PACRG: variants seen among roughly 807,000 people sequenced by gnomAD.
The protein encoded by PACRG is parkin coregulated gene protein.
A neutral mutation model predicts 29.7 loss-of-function variants in PACRG; 29 were observed. The ratio of observed to expected loss-of-function variants is 0.98; its 90% CI spans 0.73 to 1.33. The LOEUF is 1.33. Among genes scored for constraint, PACRG ranks in the 40% most tolerant of loss-of-function variants. The probability of loss-of-function intolerance (pLI) is 0.00; values close to 1 mark genes in which losing one functional copy is unlikely to be tolerated. For missense variants in PACRG, 279 were observed against 316.2 expected (o/e 0.88, Z 0.89); for synonymous variants, 116 against 118.7 (o/e 0.98, Z 0.15).
intron 2 of PACRG, among the ~76,000 whole-genome samples, chr6:162,895,233 G>A (rs527973741): frequency 4.4e-5 from 6 of 136,030 alleles, no homozygotes; most frequent in East Asian, 4.3e-4. Context: ...TCGTGCCACC[G>A]CACTCCAGTC....
chr6:163,133,204 G>A (rs922045301), intron 4 of PACRG, among the ~76,000 whole-genome samples: 1 of 152,144 alleles, frequency 6.6e-6, no homozygotes, highest in African/African-American at 2.4e-5. Context: ...GGTTTTAATA[G>A]GCCAGGTCTG....
intron 4 of PACRG, among the ~76,000 whole-genome samples, chr6:163,246,949 C>G (rs1390363929): frequency 6.6e-6 from 1 of 152,216 alleles, no homozygotes; most frequent in Non-Finnish European, 1.5e-5. Flanking sequence ...GAAGGTCACA[C>G]AGTACAGGGC....
chr6:162,792,752 G>C (rs751949011), intron 1 of PACRG, among the ~76,000 whole-genome samples: 2 of 152,138 alleles, frequency 1.3e-5, no homozygotes, highest in Non-Finnish European at 2.9e-5. Context: ...GACAGGGAAG[G>C]GTATGCAAAA....
chr6:162,934,175 A>T (rs562844382), intron 2 of PACRG, among the ~76,000 whole-genome samples: 2 of 152,172 alleles, frequency 1.3e-5, no homozygotes, highest in East Asian at 3.9e-4. Flanking sequence ...GAGGCAGGAG[A>T]ATTGCTTGAG....
chr6:162,903,246 T>G (rs543629737), intron 2 of PACRG, among the ~76,000 whole-genome samples: 6 of 152,280 alleles, frequency 3.9e-5, no homozygotes, highest in African/African-American at 1.4e-4. Context: ...TGTCACTTTG[T>G]CTTCAAGAAG....
At chr6:162,951,852 G>T (rs953109396) in intron 2 of PACRG, among the ~76,000 whole-genome samples, 2 of 152,136 alleles carry the variant, frequency 1.3e-5, no homozygotes, top group African/African-American at 4.8e-5. Context: ...TTACTGGGGA[G>T]GGGAGCACTA....
chr6:163,222,100 A>T (rs1203450999), intron 4 of PACRG, among the ~76,000 whole-genome samples: 1 of 145,822 alleles, frequency 6.9e-6, no homozygotes, highest in Non-Finnish European at 1.5e-5. Context: ...ATGACAAAAA[A>T]CTGTAAAGTA....
intron 4 of PACRG, among the ~76,000 whole-genome samples, chr6:163,108,267 C>G (rs2128317727): frequency 6.6e-6 from 1 of 152,234 alleles, no homozygotes; most frequent in South Asian, 2.1e-4. Flanking sequence ...TCCTCCTGCT[C>G]CAACCGTGTA....
At chr6:162,944,875 G>A (rs908778080) in intron 2 of PACRG, among the ~76,000 whole-genome samples, 2 of 151,864 alleles carry the variant, frequency 1.3e-5, no homozygotes, top group African/African-American at 4.8e-5. Context: ...GTACCAGAAG[G>A]TGAAGAAAAA....
At chr6:163,159,302 A>T (rs1314798410) in intron 4 of PACRG, among the ~76,000 whole-genome samples, 1 of 148,404 alleles carries the variant, frequency 6.7e-6, no homozygotes, top group Non-Finnish European at 1.5e-5. Context: ...TATATGTTAT[A>T]TAATATATAA....
chr6:162,959,681 G>A (rs1006783667), intron 2 of PACRG, among the ~76,000 whole-genome samples: 1 of 152,118 alleles, frequency 6.6e-6, no homozygotes, highest in Admixed American at 6.5e-5. Flanking sequence ...TTGGAGAGGA[G>A]CAAGTGTAGG....
chr6:163,236,970 A>T (rs76216102), intron 4 of PACRG, among the ~76,000 whole-genome samples: 4,573 of 152,090 alleles, frequency 0.03, 149 homozygotes, highest in East Asian at 0.13. Flanking sequence ...CCTCATGAGA[A>T]CTCACTATCA....
At chr6:162,895,298 T>A (rs541662583) in intron 2 of PACRG, among the ~76,000 whole-genome samples, 141 of 147,882 alleles carry the variant, frequency 9.5e-4, no homozygotes, top group African/African-American at 3.4e-3. Context: ...AAAATACAAC[T>A]TCAAATGAAT....
In PACRG at chr6:163,276,909, C is replaced by T. The variant is rs543003102; in HGVS notation, c.614-37918C>T. 2.0e-5 allele frequency among the ~76,000 whole-genome samples: 3 copies of T among 152,280 alleles called. No homozygotes were observed. In the East Asian group the frequency reaches 5.8e-4, roughly 29 times the overall value. ...CCCAGTCTAAGATATTTGGTTATAG[C>T]ACTTCAAACTGACTAAACAACAGGT... is the stretch of plus-strand genomic sequence containing the variant. On this transcript the variant is annotated intron_variant, in intron 4 of 4. Transcript: ENST00000366888.
chr6:163,129,399 C>T (rs1816643709), intron 4 of PACRG, among the ~76,000 whole-genome samples: 1 of 152,146 alleles, frequency 6.6e-6, no homozygotes, highest in African/African-American at 2.4e-5. Context: ...TGCCACTGGG[C>T]AAAAAGATGA....
intron 2 of PACRG, among the ~76,000 whole-genome samples, chr6:162,914,514 T>A (rs1013468478): frequency 3.4e-5 from 5 of 146,010 alleles, no homozygotes; most frequent in African/African-American, 1.3e-4. Context: ...TTTTGTTTTT[T>A]TTTTTTTTTT....
intron 4 of PACRG, among the ~76,000 whole-genome samples, chr6:163,132,668 T>C (rs79230053): frequency 0.01 from 1,526 of 152,304 alleles, 26 homozygotes; most frequent in African/African-American, 0.035. Context: ...CCCACTTCTG[T>C]ACCTCCTCAG....
At chr6:163,088,427 A>G (rs1428594017) in intron 3 of PACRG, among the ~76,000 whole-genome samples, 1 of 152,224 alleles carries the variant, frequency 6.6e-6, no homozygotes, top group African/African-American at 2.4e-5. Flanking sequence ...TAGAAAGTGC[A>G]TAACAGGCTC....
At chr6:162,741,531 CTT>C in intron 1 of PACRG, among the ~76,000 whole-genome samples, 1 of 152,218 alleles carries the variant, frequency 6.6e-6, no homozygotes, top group African/African-American at 2.4e-5. Context: ...CTCTCTCTCT[CTT>C]TCTTGTAGAG....
Sources: gnomAD v4.1 joint callset for allele counts (sites outside exome capture counted in the v4.1 genomes callset) on GRCh38, gnomAD v4.1.1 for gene constraint, MANE v1.5 for transcripts, NCBI Gene and HGNC (gene_info 2026-07-23, HGNC 2026-07-21) for gene names.